CADM1: variants seen among roughly 807,000 people sequenced by gnomAD.
The protein encoded by CADM1 is cell adhesion molecule 1.
A neutral mutation model predicts 53.1 loss-of-function variants in CADM1; 15 were observed. The observed-to-expected ratio is 0.28, with a 90% CI of 0.19 to 0.44. The LOEUF (loss-of-function observed/expected upper bound fraction) is 0.44. Among genes scored for constraint, CADM1 ranks in the 20% least tolerant of loss-of-function variants. The probability of loss-of-function intolerance (pLI) is 1.00; values close to 1 mark genes in which losing one functional copy is unlikely to be tolerated. For missense variants in CADM1, 434 were observed against 611.3 expected (o/e 0.71, Z 3.06); for synonymous variants, 281 against 243.0 (o/e 1.16, Z -1.45).
chr11:115,445,768 C>T (rs1204230127), intron 1 of CADM1: 20 of 453,558 alleles, frequency 4.4e-5, no homozygotes, highest in South Asian at 1.1e-4. Context: ...CACCTGAGCA[C>T]GGGAAGGCCG....
chr11:115,476,169 GCA>G (rs1294874336), intron 1 of CADM1, among the ~76,000 whole-genome samples: 3 of 151,954 alleles, frequency 2.0e-5, no homozygotes, highest in African/African-American at 7.3e-5. Context: ...TTATGTCCTG[GCA>G]CAGAGTTGGC....
At chr11:115,307,508 G>GA (rs760496607) in intron 1 of CADM1, among the ~76,000 whole-genome samples, 16,755 of 142,894 alleles carry the variant, frequency 0.12, 1,073 homozygotes, top group Middle Eastern at 0.17. Flanking sequence ...TTTAAGCCAG[G>GA]AAAAAAAAAA....
intron 1 of CADM1, among the ~76,000 whole-genome samples, chr11:115,476,598 T>C (rs1424096637): frequency 6.6e-6 from 1 of 152,138 alleles, no homozygotes; most frequent in Non-Finnish European, 1.5e-5. Flanking sequence ...GAATTAAACA[T>C]TCTGTAGGGC....
chr11:115,437,947 C>T (rs1948220486), intron 1 of CADM1, among the ~76,000 whole-genome samples: 1 of 152,094 alleles, frequency 6.6e-6, no homozygotes, highest in African/African-American at 2.4e-5. Flanking sequence ...GCTAACAATA[C>T]GTAGCTTTAA....
intron 5 of CADM1, among the ~76,000 whole-genome samples, chr11:115,221,708 A>T (rs1941412727): frequency 6.6e-6 from 1 of 152,160 alleles, no homozygotes; most frequent in African/African-American, 2.4e-5. Context: ...GTAGGTCCAA[A>T]CACTAACGTA....
intron 1 of CADM1, among the ~76,000 whole-genome samples, chr11:115,440,103 C>T (rs1372661570): frequency 6.6e-6 from 1 of 152,150 alleles, no homozygotes; most frequent in Non-Finnish European, 1.5e-5. Context: ...ATTTTAATGT[C>T]CAAACTGTAT....
intron 1 of CADM1, among the ~76,000 whole-genome samples, chr11:115,387,352 A>G (rs1458089584): frequency 6.6e-6 from 1 of 152,052 alleles, no homozygotes; most frequent in Admixed American, 6.6e-5. Context: ...TAAAATTAAT[A>G]AACAAAGATG....
chr11:115,439,115 C>T (rs749162703), intron 1 of CADM1, among the ~76,000 whole-genome samples: 3 of 152,154 alleles, frequency 2.0e-5, no homozygotes, highest in South Asian at 2.1e-4. Flanking sequence ...TTGAAACATG[C>T]GATCTGAGCC....
chr11:115,180,145 C>T (rs917438249), intron 10 of CADM1, among the ~76,000 whole-genome samples: 1 of 152,140 alleles, frequency 6.6e-6, no homozygotes, highest in African/African-American at 2.4e-5. Flanking sequence ...ACGCTTTCAG[C>T]AGGAGGGCAT....
chr11:115,231,510 G>C lies in CADM1; in HGVS notation c.425-20C>G. ...GTGGGACTACAAATTAAACATATGT[G>C]CTTTATAAACACAGAATGCATTTTT... On this transcript the variant is annotated intron_variant, in intron 3 of 11. Coordinates refer to ENST00000331581, the MANE Select transcript of CADM1 (RefSeq NM_001301043.2). 6.2e-7 allele frequency: 1 copy of C among 1,611,684 alleles called. No homozygotes were observed.
intron 1 of CADM1, among the ~76,000 whole-genome samples, chr11:115,255,970 C>T (rs541554200): frequency 2.0e-5 from 3 of 152,352 alleles, no homozygotes; most frequent in Admixed American, 6.5e-5. Context: ...CCAGCGCTCT[C>T]ACCCTTAGTG....
intron 1 of CADM1, among the ~76,000 whole-genome samples, chr11:115,273,739 T>C (rs1463985291): frequency 1.3e-5 from 2 of 152,240 alleles, no homozygotes; most frequent in African/African-American, 4.8e-5. Context: ...AATTATGCAA[T>C]GGGTAAAGTG....
chr11:115,198,990 G>T (rs1015308764), intron 8 of CADM1, among the ~76,000 whole-genome samples: 2 of 152,180 alleles, frequency 1.3e-5, no homozygotes, highest in Admixed American at 6.5e-5. Context: ...GAATAGACAG[G>T]TTTAAGTTTT....
At chr11:115,184,882 G>A (rs1939473002) in intron 10 of CADM1, among the ~76,000 whole-genome samples, 1 of 152,180 alleles carries the variant, frequency 6.6e-6, no homozygotes, top group African/African-American at 2.4e-5. Context: ...GGCTCTCTTA[G>A]ACTATCACTG....
At chr11:115,308,211 T>TACACATAC (rs1555061189) in intron 1 of CADM1, among the ~76,000 whole-genome samples, 5 of 139,384 alleles carry the variant, frequency 3.6e-5, no homozygotes, top group African/African-American at 1.4e-4. Context: ...TATATATATA[T>TACACATAC]ACACACCTAT....
chr11:115,351,657 A>G (rs1945740603), intron 1 of CADM1, among the ~76,000 whole-genome samples: 1 of 152,218 alleles, frequency 6.6e-6, no homozygotes, highest in South Asian at 2.1e-4. Context: ...GCAATTCTCC[A>G]GATATGTAAA....
At chr11:115,183,397 T>G (rs1319812156) in intron 10 of CADM1, among the ~76,000 whole-genome samples, 1 of 152,166 alleles carries the variant, frequency 6.6e-6, no homozygotes, top group Non-Finnish European at 1.5e-5. Flanking sequence ...CATGGATCTG[T>G]GATAAGCCTA....
chr11:115,273,912 AT>A (rs1422975669), intron 1 of CADM1, among the ~76,000 whole-genome samples: 2 of 152,230 alleles, frequency 1.3e-5, no homozygotes, highest in Non-Finnish European at 2.9e-5. Context: ...ACACACTGAC[AT>A]TACATACTAG....
intron 1 of CADM1, among the ~76,000 whole-genome samples, chr11:115,265,054 T>C (rs1485378507): frequency 6.6e-6 from 1 of 152,158 alleles, no homozygotes; most frequent in Admixed American, 6.5e-5. Flanking sequence ...AAGAAAAATA[T>C]AAGGCATTCA....
Sources: gnomAD v4.1 joint callset for allele counts (sites outside exome capture counted in the v4.1 genomes callset) on GRCh38, gnomAD v4.1.1 for gene constraint, MANE v1.5 for transcripts, NCBI Gene and HGNC (gene_info 2026-07-23, HGNC 2026-07-21) for gene names.